The following PDLIM1 variants were observed in gnomAD, a reference collection of about 807,000 sequenced individuals.
PDLIM1 encodes PDZ and LIM domain protein 1.
PDLIM1 carries 25 observed loss-of-function variants against 35.2 expected under a neutral mutation model. The observed-to-expected ratio is 0.71, with a 90% confidence interval of 0.52 to 0.99. PDLIM1 has a LOEUF of 0.99. Among genes scored for constraint, PDLIM1 ranks in the 50% least tolerant of loss-of-function variants. The pLI is 0.00. For synonymous variants in PDLIM1, 152 were observed against 154.0 expected (o/e 0.99, Z 0.10); for missense variants, 363 against 415.3 (o/e 0.87, Z 1.09).
chr10:95,237,884 C>A lies in PDLIM1; in HGVS notation c.*41G>T, dbSNP rs1412746105. ...GCCAGAACACTGAGAGAAAAAGCTG[C>A]AGCAGAGGCCTGCTGGAGAACAGTG... On this transcript the variant is annotated 3_prime_UTR_variant, in exon 7 of 7. Transcript: ENST00000329399. The A allele has an allele frequency of 1.9e-6, 3 of 1,566,416 alleles. No individual in the cohort carries two copies. Among genetic ancestry groups the A allele is most frequent in the Non-Finnish European group, 2.6e-6 (3 of 1,142,348 alleles).
At chr10:95,271,566 G>A (rs904673951) in intron 2 of PDLIM1, 67 bp downstream of exon 2, 1 of 1,392,804 alleles carries the variant, frequency 7.2e-7, no homozygotes, top group Admixed American at 2.2e-5. Flanking sequence ...AGATAGGGAA[G>A]GCAGTCCCTG....
rs542906537 is a variant in PDLIM1 at position 95,281,608 on chromosome 10, G to A, written c.96+9212C>T. On this transcript the variant is annotated intron_variant, in intron 1 of 6. Coordinates refer to ENST00000329399, the MANE Select transcript of PDLIM1 (RefSeq NM_020992.4). ...AAAAAATACAGCCCCTGTAATGTTG[G>A]TTAACACCCCTGAAAATGCTATGCA... Among the ~76,000 whole-genome samples, 12 of 152,288 alleles carry A rather than the reference G, an allele frequency of 7.9e-5. 1 individual carries two copies. In the South Asian group the frequency reaches 2.5e-3, roughly 32 times the overall value.
At position 95,255,838 on chromosome 10, in the gene PDLIM1, A is replaced by T. The variant is rs369272079; in HGVS notation, c.533+8026T>A. Among the ~76,000 whole-genome samples the T allele has an allele frequency of 1.3e-4, 19 of 151,418 alleles. No homozygotes were observed. In the East Asian group the frequency reaches 1.7e-3, roughly 14 times the overall value. ...TCCAAATTGGGAAGGAAGAAGTAAAATTGTATCTGTTCAAAGATGCGATGA... is the reference window on the plus strand; with the variant it reads ...TCCAAATTGGGAAGGAAGAAGTAAATTTGTATCTGTTCAAAGATGCGATGA... On this transcript the variant is annotated intron_variant, in intron 4 of 6. Coordinates refer to ENST00000329399, the MANE Select transcript of PDLIM1 (RefSeq NM_020992.4).
chr10:95,262,103 C>A (rs1273651868), intron 4 of PDLIM1, among the ~76,000 whole-genome samples: 1 of 151,972 alleles, frequency 6.6e-6, no homozygotes, highest in Non-Finnish European at 1.5e-5. Context: ...CCAATGACAT[C>A]TGTCTCTCTC....
intron 5 of PDLIM1, among the ~76,000 whole-genome samples, chr10:95,242,485 G>A (rs1350523401): frequency 3.3e-5 from 5 of 151,890 alleles, no homozygotes; most frequent in African/African-American, 4.8e-5. Flanking sequence ...TCAGGAGTTC[G>A]AGACCAGCCT....
At position 95,238,695 on chromosome 10, in the gene PDLIM1, G is replaced by C. The variant is rs547524648; in HGVS notation, c.686-10C>G. ...GGCTTGTTGGGATCCCCTGAAATGA[G>C]GAAAACACTGTCATTGGCCAGGAAG... is the stretch of plus-strand genomic sequence containing the variant. On this transcript the variant is annotated splice_polypyrimidine_tract_variant and intron_variant, in intron 5 of 6. Coordinates refer to ENST00000329399, the MANE Select transcript of PDLIM1 (RefSeq NM_020992.4). 7.8e-6 allele frequency: 12 copies of C among 1,542,728 alleles called. No homozygotes were observed. The highest frequency in any genetic ancestry group is 1.1e-5 in the Non-Finnish European group (12 of 1,115,178).
chr10:95,238,362 T>C (rs1258827441), intron 6 of PDLIM1, among the ~76,000 whole-genome samples: 2 of 152,182 alleles, frequency 1.3e-5, no homozygotes, highest in African/African-American at 4.8e-5. Flanking sequence ...TCATTTTACA[T>C]GTTCATAACC....
intron 1 of PDLIM1, among the ~76,000 whole-genome samples, chr10:95,281,542 G>A (rs2133441155): frequency 6.6e-6 from 1 of 152,298 alleles, no homozygotes; most frequent in African/African-American, 2.4e-5. Flanking sequence ...ACTCCAGCTT[G>A]GGCAATAGAG....
chr10:95,274,407 TCTCAGC>T (rs2035494439), intron 1 of PDLIM1, among the ~76,000 whole-genome samples: 1 of 151,678 alleles, frequency 6.6e-6, no homozygotes, highest in Non-Finnish European at 1.5e-5. Flanking sequence ...GATTCTCCTG[TCTCAGC>T]CTCCTGAGTA....
rs1286108724 is a variant in PDLIM1, at chr10:95,284,483, A to G, written c.96+6337T>C. Among the ~76,000 whole-genome samples, 4 of 151,972 alleles carry G rather than the reference A, an allele frequency of 2.6e-5. No individual in the cohort carries two copies. In the East Asian group the frequency reaches 7.7e-4, roughly 29 times the overall value. On this transcript the variant is annotated intron_variant, in intron 1 of 6. Coordinates refer to ENST00000329399, the MANE Select transcript of PDLIM1 (RefSeq NM_020992.4). ...ATTCTCCTGCCTCAGCCTCTTGAGT[A>G]GCTGGAACTACAGGTGCCTGCCACT...
intron 2 of PDLIM1, among the ~76,000 whole-genome samples, chr10:95,270,297 C>A (rs1223319887): frequency 6.6e-6 from 1 of 151,580 alleles, no homozygotes; most frequent in African/African-American, 2.4e-5. Context: ...TTATATACTC[C>A]CCCACACTCG....
At chr10:95,263,244 C>G (rs146510556) in intron 4 of PDLIM1, among the ~76,000 whole-genome samples, 212 of 152,178 alleles carry the variant, frequency 1.4e-3, no homozygotes, top group African/African-American at 5.0e-3. Flanking sequence ...TCCTCAGACA[C>G]CTCTCCCCTT....
At chr10:95,277,246 C>T (rs1380036584) in intron 1 of PDLIM1, among the ~76,000 whole-genome samples, 1 of 151,428 alleles carries the variant, frequency 6.6e-6, no homozygotes, top group East Asian at 2.0e-4. Flanking sequence ...TATACTCACT[C>T]CCATTAGTTC....
At position 95,238,610 on chromosome 10, in the gene PDLIM1, G is replaced by A; in HGVS notation, c.761C>T (p.Ala254Val). The A allele has an allele frequency of 6.2e-7, 1 of 1,613,852 alleles. No homozygotes were observed. Among genetic ancestry groups the A allele is most frequent in the Non-Finnish European group, 8.5e-7 (1 of 1,179,756 alleles). The change falls in exon 6 of 7, where the codon GCT becomes GTT. Residue 254 changes from alanine (A) to valine (V), a missense_variant. By Grantham distance (64) the Ala-to-Val change is moderately conservative. Coordinates refer to ENST00000329399, the MANE Select transcript of PDLIM1 (RefSeq NM_020992.4). ...TTTGTCACACATAGGCAACTTCTGA[G>A]CATTTCCAATCGACGCAGCCACTTT... ...VTKVAASIGN[A>V]QKLPMCDKCG...
chr10:95,268,952 G>A, intron 2 of PDLIM1, 90 bp from the exon 3 acceptor site: 1 of 900,086 alleles, frequency 1.1e-6, no homozygotes, highest in Admixed American at 1.9e-5. Flanking sequence ...CCTCTTTCCT[G>A]GACTAGGCAC....
At chr10:95,271,924 C>A in intron 1 of PDLIM1, 140 bp from the exon 2 acceptor site, 1 of 717,690 alleles carries the variant, frequency 1.4e-6, no homozygotes, top group East Asian at 2.9e-5. Context: ...TAATAACAAT[C>A]ATTTATATTA....
chr10:95,259,439 C>T (rs896665361), intron 4 of PDLIM1, among the ~76,000 whole-genome samples: 2 of 152,008 alleles, frequency 1.3e-5, no homozygotes, highest in Non-Finnish European at 2.9e-5. Flanking sequence ...CCTGATTACC[C>T]CAATGTTCAC....
At position 95,286,543 on chromosome 10, in the gene PDLIM1, G is replaced by A. The variant is rs1424674703; in HGVS notation, c.96+4277C>T. On this transcript the variant is annotated intron_variant, in intron 1 of 6. Coordinates refer to ENST00000329399, the MANE Select transcript of PDLIM1 (RefSeq NM_020992.4). ...GGTGCTCCGGACTAGAGCTCAGCTT[G>A]AGTCCCTGCCCTGGACATTGTACCA... 2.6e-5 allele frequency among the ~76,000 whole-genome samples: 4 copies of A among 152,148 alleles called. No homozygotes were observed. The East Asian group carries it at 7.7e-4, about 29-fold the overall frequency.
At chr10:95,263,536 G>C (rs555158501) in intron 4 of PDLIM1, among the ~76,000 whole-genome samples, 1 of 152,296 alleles carries the variant, frequency 6.6e-6, no homozygotes, top group East Asian at 1.9e-4. Context: ...CAGCAGGCCT[G>C]TCAAGGAAGG....
Sources: gnomAD v4.1 joint callset for allele counts (sites outside exome capture counted in the v4.1 genomes callset) on GRCh38, gnomAD v4.1.1 for gene constraint, MANE v1.5 for transcripts, NCBI Gene and HGNC (gene_info 2026-07-23, HGNC 2026-07-21) for gene names.